The following COL6A6 variants were observed in gnomAD, a reference collection of about 807,000 sequenced individuals.
COL6A6 encodes collagen type VI alpha 6 chain, also known as collagen alpha-6(VI) chain.
Under a neutral mutation model 208.6 loss-of-function variants are expected in COL6A6, and 183 were observed. That is an observed-to-expected ratio of 0.88 (90% CI 0.78 to 0.99). The LOEUF is 0.99. Among genes scored for constraint, COL6A6 ranks in the 50% least tolerant of loss-of-function variants. The pLI is 0.00. For synonymous variants in COL6A6, 973 were observed against 1,011.8 expected (o/e 0.96, Z 0.73); for missense variants, 2,816 against 2,815.2 (o/e 1.00, Z -0.01).
At chr3:130,539,655 C>A (rs941350045) in intron 1 of COL6A6, among the ~76,000 whole-genome samples, 2 of 130,324 alleles carry the variant, frequency 1.5e-5, no homozygotes, top group Admixed American at 1.6e-4. Flanking sequence ...AAATTTATTT[C>A]TTTGAGTTCC....
intron 1 of COL6A6, among the ~76,000 whole-genome samples, chr3:130,530,167 A>T (rs1375600847): frequency 3.9e-5 from 6 of 152,162 alleles, no homozygotes; most frequent in Non-Finnish European, 7.4e-5. Context: ...TGGCTTCGAA[A>T]CCCTGGCTCT....
rs1306342218 is a variant in COL6A6 at position 130,661,669 on chromosome 3, G to T, written c.5863G>T (p.Ala1955Ser). 1 of 1,613,578 alleles carries T rather than the reference G, an allele frequency of 6.2e-7. No homozygotes were observed. The highest frequency in any genetic ancestry group is 1.3e-5 in the African/African-American group (1 of 75,030). ...CAAGCCAGATGCTTCTTGTGACCAA[G>T]CCAGACCACCCCCTGTGCAGTCTTA... The part of the protein sequence containing the change: ...VCKPDASCDQ[A>S]RPPPVQSYMD... The change falls in exon 35 of 37, where the codon GCC (alanine) becomes TCC (serine). Residue 1955 changes from alanine (A) to serine (S), a missense_variant. Physicochemically the swap from Ala to Ser is moderately conservative, Grantham distance 99 (BLOSUM62 1). Transcript: ENST00000358511.
At chr3:130,549,827 C>A (rs1231694698) in intron 1 of COL6A6, among the ~76,000 whole-genome samples, 1 of 152,078 alleles carries the variant, frequency 6.6e-6, no homozygotes, top group Admixed American at 6.5e-5. Context: ...TAATGTGATG[C>A]CTCCAGCTTT....
At chr3:130,560,648 G>A (rs2062862288) in intron 2 of COL6A6, among the ~76,000 whole-genome samples, 1 of 152,124 alleles carries the variant, frequency 6.6e-6, no homozygotes, top group Non-Finnish European at 1.5e-5. Context: ...AGATATGAGA[G>A]CTGTCATTTT....
intron 36 of COL6A6, among the ~76,000 whole-genome samples, chr3:130,673,191 C>CAAAAAAACA (rs767159960): frequency 4.8e-5 from 3 of 62,394 alleles, no homozygotes; most frequent in Admixed American, 1.7e-4. Context: ...AAAAAAAAAA[C>CAAAAAAACA]AAAAAAACAA....
At chr3:130,607,060 T>A in intron 21 of COL6A6, 94 bp downstream of exon 21, 1 of 964,298 alleles carries the variant, frequency 1.0e-6, no homozygotes, top group Non-Finnish European at 1.5e-6. Context: ...AAACTTCCCT[T>A]TTTGATGATA....
intron 24 of COL6A6, among the ~76,000 whole-genome samples, chr3:130,622,964 C>T (rs1172894805): frequency 1.3e-5 from 2 of 151,876 alleles, no homozygotes; most frequent in Non-Finnish European, 2.9e-5. Context: ...TGAAGGAAGG[C>T]ACAAGGTTGG....
At chr3:130,605,570 T>C (rs2064157072) in intron 20 of COL6A6, among the ~76,000 whole-genome samples, 1 of 152,198 alleles carries the variant, frequency 6.6e-6, no homozygotes, top group Non-Finnish European at 1.5e-5. Flanking sequence ...AAACAGCTTA[T>C]TTTCCTCCCT....
intron 32 of COL6A6, 46 bp downstream of exon 32, chr3:130,645,048 G>T: frequency 6.3e-7 from 1 of 1,578,130 alleles, no homozygotes. Flanking sequence ...GCTCTAAAAT[G>T]TCATACATCT....
At chr3:130,602,182 T>C (rs78343887) in intron 20 of COL6A6, among the ~76,000 whole-genome samples, 5 of 152,224 alleles carry the variant, frequency 3.3e-5, no homozygotes, top group Admixed American at 1.3e-4. Context: ...AGGGGCTTCA[T>C]ATGAGTGCCA....
At chr3:130,615,070 T>A (rs2064477271) in intron 23 of COL6A6, among the ~76,000 whole-genome samples, 1 of 152,156 alleles carries the variant, frequency 6.6e-6, no homozygotes, top group Non-Finnish European at 1.5e-5. Context: ...TTCTCTTGCA[T>A]TTATTGCTAT....
chr3:130,608,932 C>A lies in COL6A6; in HGVS notation c.4720C>A (p.Leu1574Ile). The A allele has an allele frequency of 1.9e-6, 3 of 1,613,440 alleles. No individual in the cohort carries two copies. Among genetic ancestry groups the A allele is most frequent in the Non-Finnish European group, 2.5e-6 (3 of 1,179,652 alleles). The change falls in exon 22 of 37, where the codon CTT becomes ATT. Residue 1574 changes from leucine to isoleucine, a missense_variant. Leu to Ile is a conservative substitution (Grantham distance 5, BLOSUM62 2). Coordinates refer to ENST00000358511, the MANE Select transcript of COL6A6 (RefSeq NM_001102608.3). ...AGCAGGCATCCCAGGACCAGATGGA[C>A]TTGAAGGCTCCCTGGGACTTAAGGG... Reference protein sequence around the residue: ...GTAGIPGPDGLEGSLGLKGPQ... With the variant: ...GTAGIPGPDGIEGSLGLKGPQ...
chr3:130,607,455 A>T (rs2064217702), intron 21 of COL6A6, among the ~76,000 whole-genome samples: 1 of 152,222 alleles, frequency 6.6e-6, no homozygotes, highest in African/African-American at 2.4e-5. Flanking sequence ...TGAACCTATA[A>T]TATTTATGAA....
chr3:130,549,364 C>T (rs186010614), intron 1 of COL6A6, among the ~76,000 whole-genome samples: 11 of 152,244 alleles, frequency 7.2e-5, no homozygotes, highest in African/African-American at 2.4e-4. Context: ...CACTATGTTG[C>T]TCAGGCTGGC....
intron 36 of COL6A6, among the ~76,000 whole-genome samples, chr3:130,673,047 T>G (rs918277370): frequency 7.3e-6 from 1 of 137,080 alleles, no homozygotes; most frequent in Admixed American, 7.5e-5. Flanking sequence ...GGTGTGGTGG[T>G]GGGTGCCTGT....
chr3:130,520,749 G>GTTT (rs1160083891), intron 1 of COL6A6, among the ~76,000 whole-genome samples: 1 of 152,122 alleles, frequency 6.6e-6, no homozygotes, highest in Non-Finnish European at 1.5e-5. Context: ...ACAAGATAAA[G>GTTT]GAGGCAGTAT....
At chr3:130,609,196 C>T (rs2064277797) in intron 22 of COL6A6, among the ~76,000 whole-genome samples, 1 of 152,132 alleles carries the variant, frequency 6.6e-6, no homozygotes, top group African/African-American at 2.4e-5. Context: ...GGCAGTGGTC[C>T]TTGTGTACTG....
intron 12 of COL6A6, chr3:130,590,126 A>G (rs1226861470): frequency 2.8e-6 from 1 of 362,752 alleles, no homozygotes. Context: ...TGGCAAATAT[A>G]GCTGTGTTGA....
intron 18 of COL6A6, among the ~76,000 whole-genome samples, chr3:130,597,484 T>C (rs1025063600): frequency 2.6e-5 from 4 of 152,220 alleles, no homozygotes; most frequent in Non-Finnish European, 4.4e-5. Context: ...AAATTACTTA[T>C]TGATTGATGA....
Sources: gnomAD v4.1 joint callset for allele counts (sites outside exome capture counted in the v4.1 genomes callset) on GRCh38, gnomAD v4.1.1 for gene constraint, MANE v1.5 for transcripts, NCBI Gene and HGNC (gene_info 2026-07-23, HGNC 2026-07-21) for gene names.